GPC6: variants seen among roughly 807,000 people sequenced by gnomAD.
GPC6 encodes the protein glypican-6.
A neutral mutation model predicts 55.2 loss-of-function variants in GPC6; 14 were observed. The observed-to-expected ratio is 0.25, with a 90% CI of 0.17 to 0.40. The LOEUF (loss-of-function observed/expected upper bound fraction) is 0.40, where lower values mean the gene tolerates loss of function less well. Among genes scored for constraint, GPC6 ranks in the 10% least tolerant of loss-of-function variants. The probability of loss-of-function intolerance (pLI) is 1.00; values close to 1 mark genes in which losing one functional copy is unlikely to be tolerated. For missense variants in GPC6, 641 were observed against 708.5 expected, an observed-to-expected ratio of 0.90 and a Z score of 1.08; for synonymous variants, 278 against 259.6, an observed-to-expected ratio of 1.07 and a Z score of -0.68.
intron 1 of GPC6, among the ~76,000 whole-genome samples, chr13:93,489,092 T>G (rs949071107): frequency 3.3e-5 from 5 of 151,578 alleles, no homozygotes; most frequent in African/African-American, 1.2e-4. Context: ...TCTAGGGTTT[T>G]TATGGTTTTA....
intron 2 of GPC6, among the ~76,000 whole-genome samples, chr13:93,728,290 C>A (rs1883713226): frequency 6.6e-6 from 1 of 151,938 alleles, no homozygotes; most frequent in Non-Finnish European, 1.5e-5. Flanking sequence ...AATCATGGCT[C>A]ATTGCAGCCT....
chr13:94,137,697 A>G (rs559991845), intron 4 of GPC6, among the ~76,000 whole-genome samples: 83 of 152,298 alleles, frequency 5.4e-4, no homozygotes, highest in African/African-American at 1.9e-3. Context: ...ATGAAATACA[A>G]TGCTATGAGC....
chr13:94,121,297 G>A (rs1361506333), intron 4 of GPC6, among the ~76,000 whole-genome samples: 8 of 152,168 alleles, frequency 5.3e-5, no homozygotes, highest in African/African-American at 1.9e-4. Context: ...GAATAAAGAC[G>A]GTTGGCATTA....
At chr13:94,233,811 T>C (rs1484975568) in intron 4 of GPC6, among the ~76,000 whole-genome samples, 1 of 152,192 alleles carries the variant, frequency 6.6e-6, no homozygotes, top group East Asian at 1.9e-4. Flanking sequence ...AATCTCTTAC[T>C]GTGCCTAATG....
At chr13:94,364,830 A>T (rs1273574078) in intron 6 of GPC6, among the ~76,000 whole-genome samples, 5 of 152,172 alleles carry the variant, frequency 3.3e-5, no homozygotes, top group Non-Finnish European at 7.3e-5. Flanking sequence ...GCAACCAATT[A>T]TCTATAATAT....
At chr13:93,537,985 C>T (rs1882126247) in intron 1 of GPC6, among the ~76,000 whole-genome samples, 2 of 152,040 alleles carry the variant, frequency 1.3e-5, no homozygotes, top group Admixed American at 6.6e-5. Context: ...CAAAAATGAA[C>T]AGCACTTTCA....
chr13:93,769,116 T>G (rs891649640), intron 2 of GPC6, among the ~76,000 whole-genome samples: 2 of 152,158 alleles, frequency 1.3e-5, no homozygotes, highest in Non-Finnish European at 2.9e-5. Flanking sequence ...CTTACAATCT[T>G]TTTCTCAGGG....
intron 3 of GPC6, among the ~76,000 whole-genome samples, chr13:93,845,125 C>T (rs1453050639): frequency 1.3e-5 from 2 of 151,954 alleles, no homozygotes; most frequent in Admixed American, 6.6e-5. Flanking sequence ...CTTGGCGATG[C>T]GGGCTCTTTT....
chr13:94,160,039 G>C (rs187695251), intron 4 of GPC6, among the ~76,000 whole-genome samples: 1 of 152,092 alleles, frequency 6.6e-6, no homozygotes, highest in East Asian at 1.9e-4. Context: ...CTTTATTTGA[G>C]GTTTTGTTTT....
intron 7 of GPC6, among the ~76,000 whole-genome samples, chr13:94,384,153 G>C (rs1880300266): frequency 6.6e-6 from 1 of 152,172 alleles, no homozygotes; most frequent in East Asian, 1.9e-4. Flanking sequence ...TACACAAAGA[G>C]CTCTAACCAT....
chr13:93,809,991 G>A (rs768041631), intron 2 of GPC6, among the ~76,000 whole-genome samples: 2 of 152,048 alleles, frequency 1.3e-5, no homozygotes, highest in Non-Finnish European at 2.9e-5. Context: ...CACTAAACTG[G>A]TCTCTGAGTT....
intron 2 of GPC6, among the ~76,000 whole-genome samples, chr13:93,774,958 A>G (rs1885419940): frequency 6.6e-6 from 1 of 152,142 alleles, no homozygotes; most frequent in Non-Finnish European, 1.5e-5. Context: ...ATCTCAGTGG[A>G]GAAACAAAGG....
At chr13:93,262,718 A>G (rs1171171041) in intron 1 of GPC6, among the ~76,000 whole-genome samples, 2 of 151,896 alleles carry the variant, frequency 1.3e-5, no homozygotes, top group African/African-American at 4.8e-5. Flanking sequence ...TTCCCCCCAC[A>G]CCCCCAAGTT....
the GPC6 span, among the ~76,000 whole-genome samples, chr13:93,220,622 C>A: frequency 6.6e-6 from 1 of 152,242 alleles, no homozygotes; most frequent in South Asian, 2.1e-4. Context: ...ATATTGTGAG[C>A]CTTCAAGTCA....
At chr13:93,661,706 C>T (rs1314861064) in intron 2 of GPC6, among the ~76,000 whole-genome samples, 1 of 152,168 alleles carries the variant, frequency 6.6e-6, no homozygotes, top group East Asian at 1.9e-4. Flanking sequence ...TGGTGCCAAA[C>T]TGTGCTTTGT....
At chr13:94,290,557 G>A (rs1379359558) in intron 5 of GPC6, among the ~76,000 whole-genome samples, 1 of 151,544 alleles carries the variant, frequency 6.6e-6, no homozygotes, top group Non-Finnish European at 1.5e-5. Context: ...TACATGTGAT[G>A]TTACAAGATT....
chr13:94,191,116 T>A (rs1009715752), intron 4 of GPC6, among the ~76,000 whole-genome samples: 1 of 152,196 alleles, frequency 6.6e-6, no homozygotes, highest in African/African-American at 2.4e-5. Flanking sequence ...AGAGCTTTCT[T>A]TAAGCTGCAA....
chr13:93,978,235 A>G (rs1880612428), intron 3 of GPC6, among the ~76,000 whole-genome samples: 2 of 152,188 alleles, frequency 1.3e-5, no homozygotes, highest in Admixed American at 6.6e-5. Context: ...CCAGAGAGGA[A>G]TGCAGCTCTG....
intron 3 of GPC6, among the ~76,000 whole-genome samples, chr13:93,909,279 A>G (rs9524277): frequency 0.25 from 37,968 of 152,170 alleles, 5,378 homozygotes; most frequent in Non-Finnish European, 0.31. Flanking sequence ...AACATAAATT[A>G]TAATATTGAT....
Sources: allele counts gnomAD v4.1 joint callset (sites outside exome capture counted in the v4.1 genomes callset), GRCh38; gene constraint gnomAD v4.1.1; transcripts MANE v1.5; gene names NCBI Gene and HGNC (gene_info 2026-07-23, HGNC 2026-07-21).